DOCK3: variants seen among roughly 807,000 people sequenced by gnomAD.
The protein encoded by DOCK3 is dedicator of cytokinesis 3.
A neutral mutation model predicts 265.6 loss-of-function variants in DOCK3; 60 were observed. The observed-to-expected ratio is 0.23, with a 90% CI of 0.18 to 0.28. DOCK3 has a LOEUF of 0.28. DOCK3 is among the 10% of genes least tolerant of loss of function. The probability of loss-of-function intolerance (pLI) is 1.00; values close to 1 mark genes in which losing one functional copy is unlikely to be tolerated. For missense variants in DOCK3, 1,981 were observed against 2,594.3 expected (o/e 0.76, Z 5.14); for synonymous variants, 881 against 938.0 (o/e 0.94, Z 1.11).
rs202246991 is a variant in DOCK3, at chr3:51,146,810, T to C, written c.828+180T>C. Reference sequence around the variant, plus strand: ...ATATTTATAGAAAACTGAAATTATATACAGTTTTAAACTTAATTTTTATTA... The same window carrying C: ...ATATTTATAGAAAACTGAAATTATACACAGTTTTAAACTTAATTTTTATTA... On this transcript the variant is annotated intron_variant, in intron 10 of 52. Transcript: ENST00000266037. Among the ~76,000 whole-genome samples the C allele has an allele frequency of 3.3e-5, 5 of 152,212 alleles. No individual in the cohort carries two copies. The East Asian group carries it at 9.6e-4, about 29-fold the overall frequency.
rs146538675 is a variant in DOCK3 at position 51,161,684 on chromosome 3, T to G, written c.1037+982T>G. Among the ~76,000 whole-genome samples, 210 of 152,342 alleles carry G rather than the reference T, an allele frequency of 1.4e-3. 2 individuals carry two copies. Among genetic ancestry groups the G allele is most frequent in the African/African-American group, 4.8e-3 (199 of 41,572 alleles). On this transcript the variant is annotated intron_variant, in intron 12 of 52. Coordinates refer to ENST00000266037, the MANE Select transcript of DOCK3 (RefSeq NM_004947.5). The stretch of plus-strand genomic sequence containing the variant: ...CTAACAATATGCTTCTCATGTGTCT[T>G]GGCTATGAGAGTCTTGCATGTCTAA...
chr3:50,754,332 C>T (rs2040024233), intron 1 of DOCK3, among the ~76,000 whole-genome samples: 1 of 151,946 alleles, frequency 6.6e-6, no homozygotes, highest in Non-Finnish European at 1.5e-5. Context: ...AAGCTACCTG[C>T]CAGGTACTAT....
intron 2 of DOCK3, among the ~76,000 whole-genome samples, chr3:50,812,213 A>G (rs762845291): frequency 6.6e-5 from 10 of 152,138 alleles, no homozygotes; most frequent in Non-Finnish European, 1.5e-4. Context: ...CTTGCCAGAG[A>G]ATAAGGGCCA....
intron 4 of DOCK3, among the ~76,000 whole-genome samples, chr3:50,897,126 A>G (rs1282017238): frequency 2.6e-5 from 4 of 151,698 alleles, no homozygotes; most frequent in Non-Finnish European, 5.9e-5. Flanking sequence ...AGCATGGAAT[A>G]TTTTTCCATT....
chr3:50,822,086 CT>C, intron 2 of DOCK3, among the ~76,000 whole-genome samples: 1 of 152,038 alleles, frequency 6.6e-6, no homozygotes, highest in East Asian at 1.9e-4. Flanking sequence ...CTGTAGATCG[CT>C]TTGGGCAGTA....
chr3:51,242,724 G>A (rs2078663284), intron 21 of DOCK3, among the ~76,000 whole-genome samples: 1 of 152,120 alleles, frequency 6.6e-6, no homozygotes, highest in Non-Finnish European at 1.5e-5. Flanking sequence ...GACGGGGCTG[G>A]CTGGCTCTGT....
chr3:50,948,372 T>C (rs1171002604), intron 5 of DOCK3, among the ~76,000 whole-genome samples: 2 of 147,770 alleles, frequency 1.4e-5, no homozygotes, highest in African/African-American at 4.9e-5. Context: ...ATATTTTTTG[T>C]GTGTAGAAAT....
intron 6 of DOCK3, among the ~76,000 whole-genome samples, chr3:51,069,235 ACTAGTCAT>A (rs1176666342): frequency 1.3e-5 from 2 of 152,192 alleles, no homozygotes; most frequent in Non-Finnish European, 2.9e-5. Flanking sequence ...GTTCAAATTA[ACTAGTCAT>A]CATCTTTGCT....
intron 5 of DOCK3, among the ~76,000 whole-genome samples, chr3:50,986,048 A>G (rs1035466967): frequency 3.9e-5 from 6 of 152,078 alleles, no homozygotes; most frequent in Non-Finnish European, 8.8e-5. Flanking sequence ...GTCTGCAAGT[A>G]TTTGTACTTT....
chr3:51,022,688 T>G (rs1248017998), intron 5 of DOCK3, among the ~76,000 whole-genome samples: 1 of 152,218 alleles, frequency 6.6e-6, no homozygotes, highest in African/African-American at 2.4e-5. Flanking sequence ...CTGTTGATTG[T>G]TTCTTTTGCT....
intron 5 of DOCK3, among the ~76,000 whole-genome samples, chr3:50,935,442 C>T (rs1269293491): frequency 6.6e-6 from 1 of 152,160 alleles, no homozygotes; most frequent in Non-Finnish European, 1.5e-5. Flanking sequence ...AACTTTCACC[C>T]CCTACCCTAT....
At chr3:50,959,740 C>A (rs997133358) in intron 5 of DOCK3, among the ~76,000 whole-genome samples, 1 of 151,944 alleles carries the variant, frequency 6.6e-6, no homozygotes, top group African/African-American at 2.4e-5. Context: ...CCACCACGCC[C>A]GGCTAATTTT....
chr3:51,380,516 T>C (rs933787131), intron 52 of DOCK3, among the ~76,000 whole-genome samples: 1 of 152,226 alleles, frequency 6.6e-6, no homozygotes, highest in African/African-American at 2.4e-5. Context: ...ATCAACACAC[T>C]GTAGTTCGCT....
intron 12 of DOCK3, among the ~76,000 whole-genome samples, chr3:51,180,710 C>T (rs2087240946): frequency 6.6e-6 from 1 of 152,152 alleles, no homozygotes; most frequent in African/African-American, 2.4e-5. Flanking sequence ...GTAACATTCA[C>T]AGGTTCTGGG....
chr3:50,830,490 A>G (rs1239083531), intron 2 of DOCK3, among the ~76,000 whole-genome samples: 1 of 152,226 alleles, frequency 6.6e-6, no homozygotes, highest in African/African-American at 2.4e-5. Context: ...TTTGGAATAA[A>G]AAACTTTCAC....
intron 12 of DOCK3, among the ~76,000 whole-genome samples, chr3:51,168,503 A>G (rs539899983): frequency 5.0e-4 from 76 of 152,356 alleles, no homozygotes; most frequent in Non-Finnish European, 6.6e-4. Context: ...AGGACTCCCT[A>G]TTCAATAAAT....
intron 3 of DOCK3, among the ~76,000 whole-genome samples, chr3:50,874,415 A>G (rs996243873): frequency 3.3e-5 from 5 of 151,926 alleles, no homozygotes; most frequent in African/African-American, 1.2e-4. Context: ...CTGAAGCAGG[A>G]GGATCCCTTG....
At chr3:50,767,982 C>T (rs1315849692) in intron 1 of DOCK3, among the ~76,000 whole-genome samples, 1 of 152,190 alleles carries the variant, frequency 6.6e-6, no homozygotes, top group African/African-American at 2.4e-5. Flanking sequence ...TGAGACTTTG[C>T]TGAAGTTGCT....
At chr3:51,319,716 T>C (rs771093116) in intron 32 of DOCK3, among the ~76,000 whole-genome samples, 3 of 151,840 alleles carry the variant, frequency 2.0e-5, no homozygotes, top group Non-Finnish European at 4.4e-5. Context: ...ACTACAAAAA[T>C]TAGCTGGGCG....
Sources: gnomAD v4.1 joint callset for allele counts (sites outside exome capture counted in the v4.1 genomes callset) on GRCh38, gnomAD v4.1.1 for gene constraint, MANE v1.5 for transcripts, NCBI Gene and HGNC (gene_info 2026-07-23, HGNC 2026-07-21) for gene names.